FLNB: variants seen among roughly 807,000 people sequenced by gnomAD.
FLNB encodes the protein filamin B, also known as filamin-B.
FLNB carries 111 observed loss-of-function variants against 250.6 expected under a neutral mutation model. That is an observed-to-expected ratio of 0.44 (90% CI 0.38 to 0.52). The LOEUF (loss-of-function observed/expected upper bound fraction) is 0.52, where lower values mean the gene tolerates loss of function less well. Among genes scored for constraint, FLNB ranks in the 20% least tolerant of loss-of-function variants. The probability of loss-of-function intolerance (pLI) is 0.00; values close to 1 mark genes in which losing one functional copy is unlikely to be tolerated. For synonymous variants in FLNB, 1,302 were observed against 1,372.1 expected, an observed-to-expected ratio of 0.95 and a Z score of 1.13; for missense variants, 2,869 against 3,447.8, an observed-to-expected ratio of 0.83 and a Z score of 4.20.
intron 26 of FLNB, among the ~76,000 whole-genome samples, chr3:58,133,418 C>T (rs1178477855): frequency 1.6e-5 from 2 of 121,866 alleles, no homozygotes; most frequent in Admixed American, 9.9e-5. Flanking sequence ...GCAACATAGA[C>T]CCTCCCCTGA....
intron 3 of FLNB, among the ~76,000 whole-genome samples, chr3:58,079,380 G>C (rs891156551): frequency 6.6e-6 from 1 of 151,868 alleles, no homozygotes; most frequent in Non-Finnish European, 1.5e-5. Flanking sequence ...AGCCTCCTGA[G>C]TAGCTGGGAT....
intron 24 of FLNB, among the ~76,000 whole-genome samples, chr3:58,129,688 G>A (rs965294827): frequency 1.3e-5 from 2 of 152,196 alleles, no homozygotes; most frequent in Non-Finnish European, 2.9e-5. Flanking sequence ...ATTCTACAAA[G>A]TATAAATTCT....
In FLNB at chr3:58,142,567, T is replaced by A; in HGVS notation, c.5182-83T>A. The A allele has an allele frequency of 8.3e-7, 1 of 1,199,322 alleles. No homozygotes were observed. Among genetic ancestry groups the A allele is most frequent in the African/African-American group, 1.5e-5 (1 of 66,906 alleles). 74.3% of individuals were successfully genotyped at this position (1,199,322 alleles called of 1,614,324 possible). A position where few individuals can be genotyped will look rare whatever the true frequency, so the allele number is the denominator to read the frequency against. The stretch of plus-strand genomic sequence containing the variant: ...ATCCCGGCCTCACTGGCTTGTAGAA[T>A]TCCCAGCAGCTCTAACCCCTGTAGC... On this transcript the variant is annotated intron_variant, in intron 30 of 45. Transcript: ENST00000295956. This position sits in a 1 kb window ranked among gnomAD's most constrained non-coding sequence, Gnocchi z 4.3.
In FLNB at chr3:58,096,137, C is replaced by T; in HGVS notation, c.907-4C>T. ...TTCTAACTGTTGCCCACCTTCCCTC[C>T]TAGGCACAAGTGACCCCTGACAGTG... On this transcript the variant is annotated splice_region_variant and splice_polypyrimidine_tract_variant and intron_variant, in intron 5 of 45. Transcript: ENST00000295956. The T allele has an allele frequency of 6.2e-7, 1 of 1,612,862 alleles. No individual in the cohort carries two copies. Among genetic ancestry groups the T allele is most frequent in the Non-Finnish European group, 8.5e-7 (1 of 1,179,010 alleles).
intron 2 of FLNB, chr3:58,078,322 C>T: frequency 6.9e-7 from 1 of 1,445,328 alleles, no homozygotes; most frequent in Non-Finnish European, 9.0e-7. Flanking sequence ...TGCCTTTGAG[C>T]AAGTGGATTT....
intron 2 of FLNB, 123 bp from the exon 3 acceptor site, chr3:58,078,593 TC>T: frequency 6.6e-7 from 1 of 1,522,098 alleles, no homozygotes; most frequent in South Asian, 1.2e-5. Flanking sequence ...TATGATTTGC[TC>T]AGATTTTAGG....
intron 1 of FLNB, among the ~76,000 whole-genome samples, chr3:58,034,814 G>A (rs1169453298): frequency 6.6e-6 from 1 of 152,100 alleles, no homozygotes; most frequent in Non-Finnish European, 1.5e-5. Flanking sequence ...CTCCACAGAC[G>A]GGTGGGTGTA....
chr3:58,028,292 G>A (rs1157242247), intron 1 of FLNB, among the ~76,000 whole-genome samples: 1 of 152,166 alleles, frequency 6.6e-6, no homozygotes, highest in Non-Finnish European at 1.5e-5. Flanking sequence ...GAATACAAAC[G>A]AAGATCGAAC....
rs2097205153 is a variant in FLNB, at chr3:58,078,831, C to G, written c.639+17C>G. On this transcript the variant is annotated intron_variant, in intron 3 of 45. Transcript: ENST00000295956. The stretch of plus-strand genomic sequence containing the variant: ...GTCCCACAGGTATGCACAAGTGTGC[C>G]AGGTCCTGTGAGGCTGCCCCCACCC... The G allele has an allele frequency of 8.1e-6, 13 of 1,598,184 alleles. No homozygotes were observed. The highest frequency in any genetic ancestry group is 1.1e-5 in the Non-Finnish European group (13 of 1,168,612).
chr3:58,135,622 A>C (rs907481290), intron 27 of FLNB, among the ~76,000 whole-genome samples: 10 of 152,140 alleles, frequency 6.6e-5, no homozygotes, highest in Non-Finnish European at 1.0e-4. Context: ...GGAGCGGTGC[A>C]CCTAGCTAAG....
chr3:58,131,110 C>T (rs548105592), intron 25 of FLNB, among the ~76,000 whole-genome samples: 1 of 152,298 alleles, frequency 6.6e-6, no homozygotes, highest in African/African-American at 2.4e-5. Context: ...GATCTGTCCC[C>T]CCATTTAATA....
chr3:58,009,361 C>A (rs1421282502), intron 1 of FLNB, among the ~76,000 whole-genome samples: 1 of 152,138 alleles, frequency 6.6e-6, no homozygotes, highest in African/African-American at 2.4e-5. Context: ...CCTCCCTGCC[C>A]AGGTGGAGAC....
Position 58,081,612 on chromosome 3 carries a change from C to T in FLNB, c.640-17C>T, listed in dbSNP as rs780012995. 3.7e-6 allele frequency: 6 copies of T among 1,613,364 alleles called. No homozygotes were observed. Among genetic ancestry groups the T allele is most frequent in the Non-Finnish European group, 5.1e-6 (6 of 1,179,636 alleles). On this transcript the variant is annotated splice_polypyrimidine_tract_variant and intron_variant, in intron 3 of 45. Coordinates refer to ENST00000295956, the MANE Select transcript of FLNB (RefSeq NM_001457.4). ...GTGATGTGTTCTGGGTGTTCATCCA[C>T]CATGTCATTATCCTAGGTCATCACT...
chr3:58,086,304 T>G (rs2097217313), intron 4 of FLNB, among the ~76,000 whole-genome samples: 1 of 151,968 alleles, frequency 6.6e-6, no homozygotes, highest in Admixed American at 6.6e-5. Context: ...GCTTGGCTAT[T>G]AGGTGTATGT....
chr3:58,094,891 C>T lies in FLNB; in HGVS notation c.843C>T (p.Thr281=). The change falls in exon 5 of 46, where the codon ACC becomes ACT. Residue 281 remains threonine, a synonymous_variant. Coordinates refer to ENST00000295956, the MANE Select transcript of FLNB (RefSeq NM_001457.4). ...VKQPAKFTVD[T]ISAGQGDVMV... Reference sequence around the variant, plus strand: ...AGCCAGCCAAGTTCACTGTGGACACCATCAGCGCCGGGCAAGGAGACGTGA... The same window carrying T: ...AGCCAGCCAAGTTCACTGTGGACACTATCAGCGCCGGGCAAGGAGACGTGA... 1 of 1,614,118 alleles carries T rather than the reference C, an allele frequency of 6.2e-7. No homozygotes were observed. Among genetic ancestry groups the T allele is most frequent in the Non-Finnish European group, 8.5e-7 (1 of 1,180,010 alleles).
Position 58,127,939 on chromosome 3 carries a change from C to T in FLNB, c.4222+1177C>T, listed in dbSNP as rs561997633. Among the ~76,000 whole-genome samples the T allele has an allele frequency of 5.3e-5, 8 of 152,262 alleles. No individual in the cohort carries two copies. The South Asian group carries it at 6.2e-4, about 12-fold the overall frequency. On this transcript the variant is annotated intron_variant, in intron 24 of 45. Coordinates refer to ENST00000295956, the MANE Select transcript of FLNB (RefSeq NM_001457.4). ...TGGTGAATTCTGAGACCACCTCCCC[C>T]GCCCCCATTTCTAAAAGGGCAGGCA...
chr3:58,010,799 A>G (rs934915557), intron 1 of FLNB, among the ~76,000 whole-genome samples: 2 of 152,204 alleles, frequency 1.3e-5, no homozygotes, highest in Non-Finnish European at 2.9e-5. Flanking sequence ...CCCACTGTTT[A>G]CAGAGGCAGC....
intron 1 of FLNB, among the ~76,000 whole-genome samples, chr3:58,060,801 A>G (rs1341669449): frequency 1.1e-5 from 1 of 92,154 alleles, no homozygotes; most frequent in Non-Finnish European, 1.9e-5. Flanking sequence ...AAAAAAAAAG[A>G]AAGAAAGAAA....
Position 58,123,700 on chromosome 3 carries a change from AT to A in FLNB, c.3724+13del, listed in dbSNP as rs748862040. 1.7e-5 allele frequency: 24 copies of A among 1,381,640 alleles called. No individual in the cohort carries two copies. Among genetic ancestry groups the A allele is most frequent in the East Asian group, 1.6e-4 (6 of 38,590 alleles). 85.6% of individuals were successfully genotyped at this position (1,381,640 alleles called of 1,614,324 possible). On this transcript the variant is annotated intron_variant, in intron 21 of 45. Coordinates refer to ENST00000295956, the MANE Select transcript of FLNB (RefSeq NM_001457.4). Reference sequence around the variant, plus strand: ...GGAATAGAAGGGAAAGGTGGGTTTCATTTAAAAAAAAAAAAAAAAAAAAAAA... The same window carrying A: ...GGAATAGAAGGGAAAGGTGGGTTTCATTAAAAAAAAAAAAAAAAAAAAAAA...
Sources: allele counts gnomAD v4.1 joint callset (sites outside exome capture counted in the v4.1 genomes callset), GRCh38; gene constraint gnomAD v4.1.1; non-coding constraint Gnocchi (gnomAD v3.1); transcripts MANE v1.5; gene names NCBI Gene and HGNC (gene_info 2026-07-23, HGNC 2026-07-21).